The following CACNA1E variants were observed in gnomAD, a reference collection of about 807,000 sequenced individuals.
The protein encoded by CACNA1E is voltage-dependent R-type calcium channel subunit alpha-1E.
Under a neutral mutation model 259.2 loss-of-function variants are expected in CACNA1E, and 40 were observed. The ratio of observed to expected loss-of-function variants is 0.15; its 90% CI spans 0.12 to 0.20. The LOEUF is 0.20. Ranked by LOEUF, CACNA1E falls within the 10% of genes least tolerant of loss-of-function variation. The probability of loss-of-function intolerance (pLI) is 1.00; values close to 1 mark genes in which losing one functional copy is unlikely to be tolerated. For missense variants in CACNA1E, 1,874 were observed against 3,040.1 expected (o/e 0.62, Z 9.02); for synonymous variants, 1,104 against 1,138.5 (o/e 0.97, Z 0.61).
intron 1 of CACNA1E, among the ~76,000 whole-genome samples, chr1:181,351,984 A>G (rs1208982684): frequency 1.3e-5 from 2 of 152,124 alleles, no homozygotes; most frequent in Non-Finnish European, 2.9e-5. Flanking sequence ...GTGAGTGGGG[A>G]CAGTGAGGGC....
rs760283783 is a variant in CACNA1E, at chr1:181,756,975, G to A, written c.4178G>A (p.Arg1393His). 14 of 1,613,584 alleles carry A rather than the reference G, an allele frequency of 8.7e-6. No individual in the cohort carries two copies. The highest frequency in any genetic ancestry group is 1.6e-4 in the Middle Eastern group (1 of 6,080). Residue 1393 changes from arginine to histidine, a missense_variant, in exon 30 of 48, where the codon CGC becomes CAC. This residue lies in a region of CACNA1E where 188 missense variants were observed against 540.6 expected (regional missense o/e 0.35). Transcript: ENST00000367573. ...ACAGAGGAAGACCGAGGCCCAAGCC[G>A]CAGCAACCGCATGGAGATGTCTATC... is the stretch of plus-strand genomic sequence containing the variant. The part of the protein sequence containing the change: ...DVTEEDRGPS[R>H]SNRMEMSIFY...
At chr1:181,570,860 A>G (rs932368123) in intron 3 of CACNA1E, among the ~76,000 whole-genome samples, 1 of 152,218 alleles carries the variant, frequency 6.6e-6, no homozygotes, top group Non-Finnish European at 1.5e-5. Flanking sequence ...CCCTTTTGCC[A>G]TAACAGGTAA....
Position 181,755,252 on chromosome 1 carries a change from G to A in CACNA1E, c.3844G>A (p.Val1282Ile), listed in dbSNP as rs1331568050. Residue 1282 changes from valine to isoleucine, a missense_variant, in exon 28 of 48, where the codon GTA (valine) becomes ATA (isoleucine). By Grantham distance (29) the Val-to-Ile change is conservative (BLOSUM62 3). This residue lies in a region of CACNA1E where 188 missense variants were observed against 540.6 expected (regional missense o/e 0.35). Coordinates refer to ENST00000367573, the MANE Select transcript of CACNA1E (RefSeq NM_001205293.3). ...LPKLKAVFDC[V>I]VTSLKNVFNI... ...CTGTCCACAGGCCGTCTTCGACTGCGTAGTGACCTCCTTGAAGAATGTCTT... is the reference window on the plus strand; with the variant it reads ...CTGTCCACAGGCCGTCTTCGACTGCATAGTGACCTCCTTGAAGAATGTCTT... 3.1e-6 allele frequency: 5 copies of A among 1,613,630 alleles called. No homozygotes were observed. Among genetic ancestry groups the A allele is most frequent in the Non-Finnish European group, 4.2e-6 (5 of 1,179,744 alleles).
At chr1:181,461,746 A>C (rs942556047) in intron 2 of CACNA1E, among the ~76,000 whole-genome samples, 2 of 151,952 alleles carry the variant, frequency 1.3e-5, no homozygotes, top group Admixed American at 1.3e-4. Flanking sequence ...TGAACAACTC[A>C]TATGAATCTC....
At chr1:181,713,901 T>C (rs1229688229) in intron 8 of CACNA1E, among the ~76,000 whole-genome samples, 1 of 152,010 alleles carries the variant, frequency 6.6e-6, no homozygotes, top group Non-Finnish European at 1.5e-5. Context: ...CTCAGTAGAG[T>C]ATGGGACTGC....
intron 7 of CACNA1E, among the ~76,000 whole-genome samples, chr1:181,690,292 G>A (rs1006856940): frequency 3.9e-5 from 6 of 152,152 alleles, no homozygotes; most frequent in Non-Finnish European, 7.4e-5. Context: ...TTGTAGATGT[G>A]TGGCATTATT....
At chr1:181,747,455 T>C (rs1356946176) in intron 25 of CACNA1E, among the ~76,000 whole-genome samples, 5 of 150,426 alleles carry the variant, frequency 3.3e-5, no homozygotes, top group Non-Finnish European at 7.4e-5. Context: ...CTGTCATTTT[T>C]TTTTTTTTTT....
chr1:181,327,492 T>G (rs1324324643), intron 1 of CACNA1E, among the ~76,000 whole-genome samples: 2 of 152,246 alleles, frequency 1.3e-5, no homozygotes, highest in East Asian at 3.8e-4. Flanking sequence ...TCCAACAATT[T>G]GTAATTTATA....
At chr1:181,450,446 A>ATG (rs879387612) in intron 2 of CACNA1E, among the ~76,000 whole-genome samples, 1 of 115,996 alleles carries the variant, frequency 8.6e-6, no homozygotes, top group African/African-American at 3.5e-5. Context: ...GTGTGTGTGT[A>ATG]TGTGTGTGTG....
At chr1:181,356,793 G>A (rs906189869) in intron 1 of CACNA1E, among the ~76,000 whole-genome samples, 2 of 152,226 alleles carry the variant, frequency 1.3e-5, no homozygotes, top group Admixed American at 6.5e-5. Flanking sequence ...GTCCTGGGAT[G>A]TGAGGTGCAG....
At chr1:181,578,908 G>A (rs780823771) in intron 4 of CACNA1E, among the ~76,000 whole-genome samples, 164 bp from the exon 5 acceptor site, 2 of 152,222 alleles carry the variant, frequency 1.3e-5, no homozygotes, top group Non-Finnish European at 2.9e-5. Flanking sequence ...GCCTAGCAGA[G>A]CTGGGCCTAA....
chr1:181,587,050 A>C (rs1290539178), intron 6 of CACNA1E, among the ~76,000 whole-genome samples: 1 of 152,128 alleles, frequency 6.6e-6, no homozygotes, highest in Non-Finnish European at 1.5e-5. Context: ...TGGCTTAGAT[A>C]GGAGCTCTAA....
At chr1:181,741,176 C>T (rs11804456) in intron 25 of CACNA1E, among the ~76,000 whole-genome samples, 3,911 of 152,268 alleles carry the variant, frequency 0.026, 158 homozygotes, top group African/African-American at 0.088. Flanking sequence ...AAAGAACCCA[C>T]CCCATCTTTA....
chr1:181,797,218 A>G (rs765461302), intron 47 of CACNA1E, among the ~76,000 whole-genome samples: 1 of 152,190 alleles, frequency 6.6e-6, no homozygotes, highest in African/African-American at 2.4e-5. Context: ...ATTTGTGAGA[A>G]TTGTGATTCA....
At chr1:181,565,130 A>G (rs1206631323) in intron 3 of CACNA1E, among the ~76,000 whole-genome samples, 5 of 152,216 alleles carry the variant, frequency 3.3e-5, no homozygotes, top group Non-Finnish European at 5.9e-5. Context: ...TGAGGCTCTT[A>G]TAAGTCTGGC....
intron 1 of CACNA1E, among the ~76,000 whole-genome samples, chr1:181,353,875 C>T (rs1330048445): frequency 6.6e-6 from 1 of 152,166 alleles, no homozygotes; most frequent in East Asian, 1.9e-4. Context: ...CATTCTTACT[C>T]ACAGGCAAGG....
Position 181,758,137 on chromosome 1 carries a change from G to T in CACNA1E, c.4494+26G>T. 6.2e-7 allele frequency: 1 copy of T among 1,605,514 alleles called. No individual in the cohort carries two copies. Among genetic ancestry groups the T allele is most frequent in the Non-Finnish European group, 8.5e-7 (1 of 1,174,454 alleles). ...GTGAGAGGAGAGAGGCACAAGAGCC[G>T]ACTGAGCCCCAGCGATGGTTCCCTC... is the stretch of plus-strand genomic sequence containing the variant. On this transcript the variant is annotated intron_variant, in intron 31 of 47. Coordinates refer to ENST00000367573, the MANE Select transcript of CACNA1E (RefSeq NM_001205293.3). The surrounding 1 kb of genome is among the most constrained non-coding windows in gnomAD (Gnocchi z 4.2).
In CACNA1E at chr1:181,755,405, C is replaced by T. The variant is rs772226943; in HGVS notation, c.3989+8C>T. On this transcript the variant is annotated splice_region_variant and intron_variant, in intron 28 of 47. Transcript: ENST00000367573. ...CACAGAGAAGGAGTGCATGTAAGTG[C>T]CACCAGCGCATTCCACTTGATTTTG... 8 of 1,611,378 alleles carry T rather than the reference C, an allele frequency of 5.0e-6. No individual in the cohort carries two copies. The South Asian group carries it at 7.7e-5, about 16-fold the overall frequency.
chr1:181,342,847 G>A (rs926836301), intron 1 of CACNA1E, among the ~76,000 whole-genome samples: 9 of 152,178 alleles, frequency 5.9e-5, no homozygotes, highest in African/African-American at 2.2e-4. Context: ...GCTTCCACAT[G>A]TGCTCACTTC....
Sources: allele counts gnomAD v4.1 joint callset (sites outside exome capture counted in the v4.1 genomes callset), GRCh38; gene constraint gnomAD v4.1.1; regional missense constraint gnomAD v4.1.1; non-coding constraint Gnocchi (gnomAD v3.1); transcripts MANE v1.5; gene names NCBI Gene and HGNC (gene_info 2026-07-23, HGNC 2026-07-21).